Variants in ANKRD13C observed in about 807,000 individuals in gnomAD.
ANKRD13C encodes ankyrin repeat domain-containing protein 13C.
ANKRD13C carries 16 observed loss-of-function variants against 65.5 expected under a neutral mutation model. The observed-to-expected ratio is 0.24, with a 90% CI of 0.17 to 0.37. The LOEUF (loss-of-function observed/expected upper bound fraction) is 0.37. ANKRD13C is among the 10% of genes least tolerant of loss of function. ANKRD13C has a pLI of 1.00. For missense variants in ANKRD13C, 503 were observed against 655.9 expected, an observed-to-expected ratio of 0.77 and a Z score of 2.55; for synonymous variants, 235 against 238.7, an observed-to-expected ratio of 0.98 and a Z score of 0.14.
intron 9 of ANKRD13C, among the ~76,000 whole-genome samples, chr1:70,288,091 T>G (rs1207892932): frequency 6.6e-6 from 1 of 152,052 alleles, no homozygotes; most frequent in East Asian, 1.9e-4. Context: ...GCAAAAGGCA[T>G]GAAGAGACAT....
chr1:70,320,962 T>A (rs150135249), intron 3 of ANKRD13C, among the ~76,000 whole-genome samples: 2 of 152,024 alleles, frequency 1.3e-5, no homozygotes, highest in African/African-American at 4.8e-5. Context: ...CTAATTTTTG[T>A]ACTTTTTGTA....
chr1:70,271,423 T>C (rs535264190), intron 11 of ANKRD13C, among the ~76,000 whole-genome samples: 5 of 152,350 alleles, frequency 3.3e-5, no homozygotes, highest in Middle Eastern at 6.8e-3. Context: ...ATATTAGTCA[T>C]TATGCTATAA....
intron 9 of ANKRD13C, among the ~76,000 whole-genome samples, chr1:70,290,438 C>T (rs751512598): frequency 2.0e-5 from 3 of 152,114 alleles, no homozygotes; most frequent in Non-Finnish European, 4.4e-5. Flanking sequence ...CAATCCGGCA[C>T]TCACACATAT....
rs558725022 is a variant in ANKRD13C at position 70,291,320 on chromosome 1, C to T, written c.1215+1068G>A. On this transcript the variant is annotated intron_variant, in intron 9 of 12. Coordinates refer to ENST00000370944, the MANE Select transcript of ANKRD13C (RefSeq NM_030816.5). ...ACAGGTGTAAGCCACCACGCCTGGGCCCATCTGGGAAATCTTGATGAAGGT... is the reference window on the plus strand; with the variant it reads ...ACAGGTGTAAGCCACCACGCCTGGGTCCATCTGGGAAATCTTGATGAAGGT... Among the ~76,000 whole-genome samples, 302 of 152,226 alleles carry T rather than the reference C, an allele frequency of 2.0e-3. 1 individual carries two copies. The highest frequency in any genetic ancestry group is 6.6e-3 in the African/African-American group (274 of 41,528).
At chr1:70,303,911 A>G (rs1212678037) in intron 6 of ANKRD13C, among the ~76,000 whole-genome samples, 1 of 152,182 alleles carries the variant, frequency 6.6e-6, no homozygotes. Context: ...AGAACCTATC[A>G]CATTTGTCCT....
At position 70,306,060 on chromosome 1, in the gene ANKRD13C, T is replaced by C. The variant is rs41287908; in HGVS notation, c.776+164A>G. 4.2e-3 allele frequency: 1,616 copies of C among 383,432 alleles called. 16 individuals carry two copies. Among genetic ancestry groups the C allele is most frequent in the Non-Finnish European group, 3.3e-3 (692 of 211,714 alleles). 23.8% of individuals were successfully genotyped at this position (383,432 alleles called of 1,614,324 possible). A position where few individuals can be genotyped will look rare whatever the true frequency, so the allele number is the denominator to read the frequency against. ...AATAAAAAAATAAAAAAAGGTTCTATGTCTTTGGTTTTTTATCTATTATGT... is the reference window on the plus strand; with the variant it reads ...AATAAAAAAATAAAAAAAGGTTCTACGTCTTTGGTTTTTTATCTATTATGT... On this transcript the variant is annotated intron_variant, in intron 6 of 12. Transcript: ENST00000370944.
chr1:70,338,313 G>A (rs1056185692), intron 1 of ANKRD13C, among the ~76,000 whole-genome samples: 3 of 152,042 alleles, frequency 2.0e-5, no homozygotes, highest in Non-Finnish European at 2.9e-5. Context: ...TGAATTTTCC[G>A]CATTAGGAAC....
At chr1:70,309,681 G>A (rs1399063134) in intron 5 of ANKRD13C, among the ~76,000 whole-genome samples, 1 of 146,416 alleles carries the variant, frequency 6.8e-6, no homozygotes, top group Non-Finnish European at 1.5e-5. Flanking sequence ...AGCCGAGATC[G>A]CGCTAGCCTG....
At chr1:70,330,034 G>A (rs1294563695) in intron 2 of ANKRD13C, among the ~76,000 whole-genome samples, 1 of 149,796 alleles carries the variant, frequency 6.7e-6, no homozygotes, top group Non-Finnish European at 1.5e-5. Flanking sequence ...AGATTGCAGT[G>A]AGCCGAGATG....
intron 2 of ANKRD13C, among the ~76,000 whole-genome samples, chr1:70,332,058 T>A (rs939243293): frequency 1.3e-5 from 2 of 152,088 alleles, no homozygotes; most frequent in East Asian, 3.9e-4. Flanking sequence ...ATGTAATTGG[T>A]TGTGTCTACT....
chr1:70,328,836 G>A lies in ANKRD13C; in HGVS notation c.473-3879C>T, dbSNP rs548455500. Among the ~76,000 whole-genome samples, 9 of 152,212 alleles carry A rather than the reference G, an allele frequency of 5.9e-5. No homozygotes were observed. In the East Asian group the frequency reaches 1.4e-3, roughly 23 times the overall value. The stretch of plus-strand genomic sequence containing the variant: ...AAGGGGATTAGTAAGAAGAGGGGAT[G>A]ATAGCCAAGATAAAAAGAAATTTTT... On this transcript the variant is annotated intron_variant, in intron 2 of 12. Coordinates refer to ENST00000370944, the MANE Select transcript of ANKRD13C (RefSeq NM_030816.5).
At chr1:70,289,008 A>T (rs1054068806) in intron 9 of ANKRD13C, among the ~76,000 whole-genome samples, 3 of 152,198 alleles carry the variant, frequency 2.0e-5, no homozygotes, top group South Asian at 4.1e-4. Context: ...GTTGAAATTG[A>T]TTTATCTACA....
intron 2 of ANKRD13C, among the ~76,000 whole-genome samples, chr1:70,331,094 A>G (rs1681776400): frequency 6.6e-6 from 1 of 152,246 alleles, no homozygotes; most frequent in Non-Finnish European, 1.5e-5. Context: ...CTTTACCTCA[A>G]TCAAAATATT....
At chr1:70,321,032 A>C (rs1414116897) in intron 3 of ANKRD13C, among the ~76,000 whole-genome samples, 2 of 152,176 alleles carry the variant, frequency 1.3e-5, no homozygotes, top group African/African-American at 4.8e-5. Flanking sequence ...GGCCTCCCAA[A>C]GCGCTGGGGT....
At chr1:70,307,531 T>A (rs1680638575) in intron 5 of ANKRD13C, among the ~76,000 whole-genome samples, 1 of 152,220 alleles carries the variant, frequency 6.6e-6, no homozygotes, top group African/African-American at 2.4e-5. Context: ...GCAAAATGAC[T>A]TCCAGCACTG....
At chr1:70,266,020 T>TA (rs1437314129) in intron 12 of ANKRD13C, among the ~76,000 whole-genome samples, 1 of 151,900 alleles carries the variant, frequency 6.6e-6, no homozygotes, top group Non-Finnish European at 1.5e-5. Flanking sequence ...TTACAAATAA[T>TA]ACAACATAAA....
chr1:70,264,235 G>A (rs975964334), intron 12 of ANKRD13C, among the ~76,000 whole-genome samples: 31 of 152,186 alleles, frequency 2.0e-4, no homozygotes, highest in Admixed American at 6.5e-4. Flanking sequence ...CAGCACTTTG[G>A]GAGGCTGAGA....
chr1:70,330,574 C>CAAAAAAAAAAA (rs71071394), intron 2 of ANKRD13C, among the ~76,000 whole-genome samples: 38 of 68,356 alleles, frequency 5.6e-4, no homozygotes, highest in Non-Finnish European at 7.3e-4. Context: ...ACAAACAAAC[C>CAAAAAAAAAAA]AAAAAAAAAA....
intron 3 of ANKRD13C, among the ~76,000 whole-genome samples, chr1:70,320,939 A>G (rs1477849863): frequency 1.3e-5 from 2 of 151,522 alleles, no homozygotes; most frequent in Admixed American, 6.6e-5. Context: ...ACAGGCACAC[A>G]CTACCACACC....
Sources: allele counts gnomAD v4.1 joint callset (sites outside exome capture counted in the v4.1 genomes callset), GRCh38; gene constraint gnomAD v4.1.1; transcripts MANE v1.5; gene names NCBI Gene and HGNC (gene_info 2026-07-23, HGNC 2026-07-21).